The following POFUT3 variants were observed in gnomAD, a reference collection of about 807,000 sequenced individuals.
POFUT3 encodes the protein protein O-fucosyltransferase 3.
chr8:33,402,076 G>A, the POFUT3 span, among the ~76,000 whole-genome samples: 265 of 152,080 alleles, frequency 1.7e-3, 1 homozygote, highest in African/African-American at 6.2e-3. Flanking sequence ...ATTTTTCTAA[G>A]TTAGGTGCAT....
At chr8:33,360,493 G>GA in the POFUT3 span, among the ~76,000 whole-genome samples, 4 of 144,610 alleles carry the variant, frequency 2.8e-5, no homozygotes, top group Non-Finnish European at 1.5e-5. Flanking sequence ...TAAATATCAG[G>GA]AAACTTTTTT....
chr8:33,444,210 G>T, the POFUT3 span, among the ~76,000 whole-genome samples: 1 of 152,006 alleles, frequency 6.6e-6, no homozygotes, highest in Admixed American at 6.6e-5. Flanking sequence ...CAGAGAGAAG[G>T]AGAGGATGAG....
chr8:33,415,281 TAAA>T, the POFUT3 span, among the ~76,000 whole-genome samples: 1 of 151,764 alleles, frequency 6.6e-6, no homozygotes, highest in African/African-American at 2.4e-5. Flanking sequence ...AATAAATAAA[TAAA>T]TAAACAAATC....
the POFUT3 span, among the ~76,000 whole-genome samples, chr8:33,427,951 C>G: frequency 6.6e-6 from 1 of 152,158 alleles, no homozygotes; most frequent in East Asian, 1.9e-4. Flanking sequence ...ATGGTGAAAC[C>G]CATCTCTACT....
chr8:33,410,463 G>A, the POFUT3 span, among the ~76,000 whole-genome samples: 1 of 152,246 alleles, frequency 6.6e-6, no homozygotes, highest in South Asian at 2.1e-4. Flanking sequence ...CACAGGGGAG[G>A]AGGAGCTGCC....
chr8:33,471,341 A>G, the POFUT3 span, among the ~76,000 whole-genome samples: 1 of 152,038 alleles, frequency 6.6e-6, no homozygotes, highest in African/African-American at 2.4e-5. Flanking sequence ...TCCTCCTTCC[A>G]GGTTCAAGTG....
At chr8:33,397,456 C>T in the POFUT3 span, among the ~76,000 whole-genome samples, 1 of 152,200 alleles carries the variant, frequency 6.6e-6, no homozygotes, top group Admixed American at 6.5e-5. Context: ...CTGCCCAGCT[C>T]ATGTCACCAC....
the POFUT3 span, among the ~76,000 whole-genome samples, chr8:33,425,900 C>T: frequency 7.1e-6 from 1 of 141,758 alleles, no homozygotes; most frequent in South Asian, 2.3e-4. Flanking sequence ...AAAACTCCAT[C>T]TCAAAAAAAA....
the POFUT3 span, chr8:33,372,599 C>T: frequency 1.2e-6 from 2 of 1,613,842 alleles, no homozygotes; most frequent in Non-Finnish European, 1.7e-6. Context: ...TACTAGGCCC[C>T]AAAACTCTTG....
the POFUT3 span, among the ~76,000 whole-genome samples, chr8:33,427,073 A>G: frequency 6.6e-6 from 1 of 152,206 alleles, no homozygotes; most frequent in Non-Finnish European, 1.5e-5. Context: ...CCCCCTGCAG[A>G]GGAATCGCTG....
chr8:33,318,755 AATATATTGTATATATATTTTAT>A, the POFUT3 span, among the ~76,000 whole-genome samples: 1 of 50,900 alleles, frequency 2.0e-5, no homozygotes, highest in African/African-American at 9.6e-5. Flanking sequence ...ATAATATATA[AATATATTGTATATATATTTTAT>A]ATATATTTAT....
At chr8:33,386,188 C>CAAAAAAAAA in the POFUT3 span, among the ~76,000 whole-genome samples, 117 of 32,040 alleles carry the variant, frequency 3.7e-3, 5 homozygotes, top group East Asian at 0.015. Flanking sequence ...GGCTCCATCT[C>CAAAAAAAAA]AAAAAAAAAA....
chr8:33,350,999 A>G, the POFUT3 span, among the ~76,000 whole-genome samples: 2 of 152,188 alleles, frequency 1.3e-5, no homozygotes, highest in Non-Finnish European at 2.9e-5. Context: ...TTTTTGGGAC[A>G]GAGTCTCACT....
the POFUT3 span, among the ~76,000 whole-genome samples, chr8:33,467,197 C>T: frequency 7.5e-6 from 1 of 133,684 alleles, no homozygotes; most frequent in Non-Finnish European, 1.5e-5. Context: ...TACTTGAACC[C>T]GGGAGGTGGA....
the POFUT3 span, among the ~76,000 whole-genome samples, chr8:33,378,033 G>A: frequency 6.6e-6 from 1 of 152,164 alleles, no homozygotes; most frequent in Non-Finnish European, 1.5e-5. Flanking sequence ...AACCATATCA[G>A]CTGGAATAGC....
the POFUT3 span, among the ~76,000 whole-genome samples, chr8:33,343,521 A>G: frequency 6.6e-6 from 1 of 152,144 alleles, no homozygotes; most frequent in Non-Finnish European, 1.5e-5. Context: ...ACCAAAAGAG[A>G]TATTAGCAAT....
At chr8:33,405,924 C>G in the POFUT3 span, among the ~76,000 whole-genome samples, 12 of 152,112 alleles carry the variant, frequency 7.9e-5, no homozygotes, top group African/African-American at 2.2e-4. Context: ...TCCAATTTTT[C>G]CCATTAAAAA....
chr8:33,420,783 A>G, the POFUT3 span, among the ~76,000 whole-genome samples: 1 of 152,078 alleles, frequency 6.6e-6, no homozygotes, highest in South Asian at 2.1e-4. Flanking sequence ...ACAGTTTCAA[A>G]TAGCCAGAAG....
At chr8:33,349,526 A>G in the POFUT3 span, among the ~76,000 whole-genome samples, 2 of 152,154 alleles carry the variant, frequency 1.3e-5, no homozygotes, top group East Asian at 1.9e-4. Flanking sequence ...AAGTGAGAAC[A>G]TACGATGTTT....
Sources: gnomAD v4.1 joint callset for allele counts (sites outside exome capture counted in the v4.1 genomes callset) on GRCh38, gnomAD v4.1.1 for gene constraint, MANE v1.5 for transcripts, NCBI Gene and HGNC (gene_info 2026-07-23, HGNC 2026-07-21) for gene names.